AFAP1L2: variants seen among roughly 807,000 people sequenced by gnomAD.
AFAP1L2 encodes actin filament-associated protein 1-like 2.
In AFAP1L2, 46 loss-of-function variants were observed where a neutral mutation model predicts 99.3. The observed-to-expected ratio is 0.46, with a 90% confidence interval of 0.37 to 0.59. The LOEUF (loss-of-function observed/expected upper bound fraction) is 0.59, where lower values mean the gene tolerates loss of function less well. Among genes scored for constraint, AFAP1L2 ranks in the 20% least tolerant of loss-of-function variants. The pLI, the probability that AFAP1L2 is intolerant of heterozygous loss-of-function variation, is 0.00. For synonymous variants in AFAP1L2, 397 were observed against 419.1 expected (o/e 0.95, Z 0.64); for missense variants, 959 against 1,034.9 (o/e 0.93, Z 1.01).
the AFAP1L2 span, chr10:114,286,457 C>G: frequency 6.2e-7 from 1 of 1,608,778 alleles, no homozygotes; most frequent in South Asian, 1.1e-5. Flanking sequence ...TCCTCAGGAT[C>G]TGTTCAACCA....
chr10:114,290,494 C>T (rs953496399), downstream of AFAP1L2: 2 of 1,330,538 alleles, frequency 1.5e-6, no homozygotes, highest in African/African-American at 2.9e-5. Flanking sequence ...CAGTCGTTTA[C>T]CCACGAAACA....
Position 114,388,863 on chromosome 10 carries a change from G to T in AFAP1L2, c.16+15577C>A, listed in dbSNP as rs892979725. ...AATATCCCAAGGGACCCAGAAATTG[G>T]AAATGCAGGTTCAGAGACATGGGCA... On this transcript the variant is annotated intron_variant, in intron 1 of 18. Coordinates refer to ENST00000304129, the MANE Select transcript of AFAP1L2 (RefSeq NM_001001936.3). Among the ~76,000 whole-genome samples, 8 of 152,162 alleles carry T rather than the reference G, an allele frequency of 5.3e-5. No individual in the cohort carries two copies. In the South Asian group the frequency reaches 1.7e-3, roughly 32 times the overall value.
intron 1 of AFAP1L2, among the ~76,000 whole-genome samples, chr10:114,365,676 G>A (rs564049071): frequency 3.2e-4 from 48 of 151,546 alleles, no homozygotes; most frequent in African/African-American, 1.1e-3. Context: ...CTAAGGGGAA[G>A]CCTTTCTTTG....
At chr10:114,340,181 CAAAA>C (rs3061678) in intron 2 of AFAP1L2, among the ~76,000 whole-genome samples, 4 of 143,454 alleles carry the variant, frequency 2.8e-5, no homozygotes, top group African/African-American at 5.2e-5. Flanking sequence ...AAAAAAAATA[CAAAA>C]AAAAAAAAAA....
In AFAP1L2 at chr10:114,342,866, G is replaced by C. The variant is rs79281776; in HGVS notation, c.17-2135C>G. Among the ~76,000 whole-genome samples the C allele has an allele frequency of 1.4e-4, 22 of 152,366 alleles. No homozygotes were observed. In the East Asian group the frequency reaches 4.0e-3, roughly 28 times the overall value. ...CTCACAGCTCTGACTGCATCACAGC[G>C]TAGCTGTCTGTGTCGCCATTTAGCT... On this transcript the variant is annotated intron_variant, in intron 1 of 18. Coordinates refer to ENST00000304129, the MANE Select transcript of AFAP1L2 (RefSeq NM_001001936.3).
At chr10:114,291,369 C>T, downstream of AFAP1L2, 1 of 1,135,228 alleles carries the variant, frequency 8.8e-7, no homozygotes, top group Non-Finnish European at 1.2e-6. Context: ...CTGCTTCCCG[C>T]CGTGGCCAGG....
chr10:114,338,639 T>C (rs1399726520), intron 2 of AFAP1L2, among the ~76,000 whole-genome samples: 3 of 152,200 alleles, frequency 2.0e-5, no homozygotes, highest in Non-Finnish European at 2.9e-5. Context: ...CTCAACAGCA[T>C]GGATGAATCT....
intron 1 of AFAP1L2, chr10:114,363,194 C>T (rs2052693983): frequency 1.0e-6 from 1 of 983,514 alleles, no homozygotes; most frequent in African/African-American, 1.7e-5. Context: ...GGAGAGGCAA[C>T]TCTTGAAATG....
chr10:114,349,398 A>AAG (rs2050105712), intron 1 of AFAP1L2, among the ~76,000 whole-genome samples: 1 of 149,670 alleles, frequency 6.7e-6, no homozygotes, highest in African/African-American at 2.4e-5. Flanking sequence ...AAAAAAAAAA[A>AAG]AAAAAGAAAA....
intron 1 of AFAP1L2, among the ~76,000 whole-genome samples, chr10:114,383,752 C>T (rs1482008311): frequency 4.6e-5 from 7 of 152,184 alleles, no homozygotes; most frequent in Non-Finnish European, 1.5e-5. Context: ...TTGGGTCCAA[C>T]CAACTTGGAA....
At chr10:114,385,622 C>T (rs2137659385) in intron 1 of AFAP1L2, among the ~76,000 whole-genome samples, 1 of 152,228 alleles carries the variant, frequency 6.6e-6, no homozygotes, top group East Asian at 1.9e-4. Flanking sequence ...AGGATAATGA[C>T]AATTACCCCT....
intron 10 of AFAP1L2, among the ~76,000 whole-genome samples, chr10:114,307,179 C>T (rs2042575557): frequency 6.6e-6 from 1 of 152,110 alleles, no homozygotes; most frequent in Non-Finnish European, 1.5e-5. Context: ...AAGAGCCTAC[C>T]TGCACCCATA....
At chr10:114,344,744 T>C (rs1367834096) in intron 1 of AFAP1L2, among the ~76,000 whole-genome samples, 6 of 152,116 alleles carry the variant, frequency 3.9e-5, no homozygotes, top group African/African-American at 1.4e-4. Context: ...GGAAAAGGAA[T>C]TGTAGCTCGT....
At chr10:114,283,456 A>G in the AFAP1L2 span, among the ~76,000 whole-genome samples, 3 of 152,150 alleles carry the variant, frequency 2.0e-5, no homozygotes, top group Non-Finnish European at 4.4e-5. Flanking sequence ...TATGTTCACA[A>G]GGTTTACAGT....
intron 7 of AFAP1L2, 140 bp from the exon 8 acceptor site, chr10:114,310,583 C>T: frequency 1.4e-6 from 1 of 716,836 alleles, no homozygotes. Context: ...GAAGAGGACC[C>T]ACCCGACCCC....
At position 114,300,472 on chromosome 10, in the gene AFAP1L2, T is replaced by A; in HGVS notation, c.1761A>T (p.Ile587=). The change falls in exon 14 of 19, where the codon ATA becomes ATT. Residue 587 remains isoleucine, a synonymous_variant. Coordinates refer to ENST00000304129, the MANE Select transcript of AFAP1L2 (RefSeq NM_001001936.3). The stretch of plus-strand genomic sequence containing the variant: ...GTTCTCCCAGGTTCTCTGGACACTT[T>A]ATGCAGGGCTCATCTGGGGTGGGAC... The part of the protein sequence containing the change: ...GPGPTPDEPC[I]KCPENLGEQQ... 1 of 1,613,544 alleles carries A rather than the reference T, an allele frequency of 6.2e-7. No homozygotes were observed. Among genetic ancestry groups the A allele is most frequent in the Non-Finnish European group, 8.5e-7 (1 of 1,179,528 alleles).
chr10:114,309,742 A>G (rs1224946136), intron 8 of AFAP1L2, among the ~76,000 whole-genome samples: 1 of 152,158 alleles, frequency 6.6e-6, no homozygotes, highest in African/African-American at 2.4e-5. Context: ...GCCTCATAAA[A>G]TCAATCTCCC....
chr10:114,289,295 G>T, the AFAP1L2 span: 158 of 1,613,904 alleles, frequency 9.8e-5, no homozygotes, highest in Non-Finnish European at 1.2e-4. Context: ...ACAGGCGGGA[G>T]AGGCGCAGAG....
At chr10:114,325,800 A>T in intron 4 of AFAP1L2, 1 of 1,163,848 alleles carries the variant, frequency 8.6e-7, no homozygotes, top group Non-Finnish European at 1.1e-6. Context: ...GCAGCCTGAG[A>T]AAAGGCTGAG....
Sources: allele counts gnomAD v4.1 joint callset (sites outside exome capture counted in the v4.1 genomes callset), GRCh38; gene constraint gnomAD v4.1.1; transcripts MANE v1.5; gene names NCBI Gene and HGNC (gene_info 2026-07-23, HGNC 2026-07-21).